Variants in KIRREL3 observed in about 807,000 individuals in gnomAD.
KIRREL3 encodes the protein kirre like nephrin family adhesion molecule 3.
A neutral mutation model predicts 89.7 loss-of-function variants in KIRREL3; 36 were observed. The ratio of observed to expected loss-of-function variants is 0.40; its 90% CI spans 0.31 to 0.53. The LOEUF (loss-of-function observed/expected upper bound fraction) is 0.53. Ranked by LOEUF, KIRREL3 falls within the 20% of genes least tolerant of loss-of-function variation. The probability of loss-of-function intolerance (pLI) is 0.49; values close to 1 mark genes in which losing one functional copy is unlikely to be tolerated. For synonymous variants in KIRREL3, 445 were observed against 441.4 expected, an observed-to-expected ratio of 1.01 and a Z score of -0.10; for missense variants, 864 against 1,056.6, an observed-to-expected ratio of 0.82 and a Z score of 2.53.
rs1945408712 is a variant in KIRREL3 at position 126,879,322 on chromosome 11, A to G, written c.55+121133T>C. On this transcript the variant is annotated intron_variant, in intron 1 of 16. Transcript: ENST00000525144. The surrounding 1 kb of genome is among the most constrained non-coding windows in gnomAD (Gnocchi z 5.4). ...ATGCCAGTTTCCAGAAAGGATTAATATACACTAACGTGGAATTACTGAACC... is the reference window on the plus strand; with the variant it reads ...ATGCCAGTTTCCAGAAAGGATTAATGTACACTAACGTGGAATTACTGAACC... 1.3e-5 allele frequency among the ~76,000 whole-genome samples: 2 copies of G among 152,208 alleles called. No homozygotes were observed. Among genetic ancestry groups the G allele is most frequent in the Admixed American group, 1.3e-4 (2 of 15,282 alleles).
intron 1 of KIRREL3, among the ~76,000 whole-genome samples, chr11:126,590,783 T>C (rs1489250516): frequency 1.3e-5 from 2 of 152,114 alleles, no homozygotes; most frequent in African/African-American, 4.8e-5. Flanking sequence ...CTAGATACCT[T>C]GGTAGCGGGA....
intron 1 of KIRREL3, chr11:126,920,047 T>A (rs1272822123): frequency 6.6e-6 from 1 of 152,222 alleles, no homozygotes; most frequent in Non-Finnish European, 1.5e-5. Flanking sequence ...TTTAACTATA[T>A]CATGTAATCT....
At chr11:126,657,277 T>TC (rs1349827798) in intron 1 of KIRREL3, among the ~76,000 whole-genome samples, 179 of 149,844 alleles carry the variant, frequency 1.2e-3, no homozygotes, top group South Asian at 1.7e-3. Context: ...AATAAATAAA[T>TC]AAATCTTCAT....
intron 1 of KIRREL3, among the ~76,000 whole-genome samples, chr11:126,581,392 G>C (rs995218306): frequency 1.3e-5 from 2 of 152,112 alleles, no homozygotes; most frequent in Non-Finnish European, 2.9e-5. Flanking sequence ...TGTAGAGACA[G>C]GGTTTCACCT....
chr11:126,512,186 G>T (rs1211149461), intron 4 of KIRREL3, among the ~76,000 whole-genome samples: 9 of 152,240 alleles, frequency 5.9e-5, no homozygotes, highest in Non-Finnish European at 1.3e-4. Flanking sequence ...GTGAGGGTCA[G>T]TACTTCAGGC....
chr11:126,875,082 C>T (rs1945233075), intron 1 of KIRREL3, among the ~76,000 whole-genome samples: 1 of 152,176 alleles, frequency 6.6e-6, no homozygotes. Context: ...TACCCCAATC[C>T]TGTGTGATTT....
intron 7 of KIRREL3, among the ~76,000 whole-genome samples, chr11:126,456,056 T>TC (rs1956332165): frequency 7.4e-6 from 1 of 135,746 alleles, no homozygotes; most frequent in Admixed American, 7.6e-5. Flanking sequence ...TTTTTTTTTT[T>TC]TCCTGAGCCT....
At chr11:126,959,034 T>A (rs982546416) in intron 1 of KIRREL3, among the ~76,000 whole-genome samples, 1 of 152,138 alleles carries the variant, frequency 6.6e-6, no homozygotes, top group Non-Finnish European at 1.5e-5. Flanking sequence ...AAAAAAAGAC[T>A]GACTTCTCTC....
chr11:126,893,166 A>G (rs1945993824), intron 1 of KIRREL3, among the ~76,000 whole-genome samples: 1 of 152,214 alleles, frequency 6.6e-6, no homozygotes, highest in South Asian at 2.1e-4. Context: ...CACATCCGTC[A>G]AACAACTCAG....
intron 1 of KIRREL3, among the ~76,000 whole-genome samples, chr11:126,930,748 A>G (rs1349686864): frequency 6.6e-6 from 1 of 152,066 alleles, no homozygotes; most frequent in Non-Finnish European, 1.5e-5. Context: ...TATCCAGTGC[A>G]GTTAGAGGGG....
chr11:126,645,033 G>T lies in KIRREL3; in HGVS notation c.56-82121C>A, dbSNP rs1185029787. ...GATGAACCTTGAGGGAGGGGTTGGGGTTGAAGTGGGAGGAGCATTTCAGTC... is the reference window on the plus strand; with the variant it reads ...GATGAACCTTGAGGGAGGGGTTGGGTTTGAAGTGGGAGGAGCATTTCAGTC... On this transcript the variant is annotated intron_variant, in intron 1 of 16. Coordinates refer to ENST00000525144, the MANE Select transcript of KIRREL3 (RefSeq NM_032531.4). The surrounding 1 kb of genome is among the most constrained non-coding windows in gnomAD (Gnocchi z 4.9). 2.0e-5 allele frequency among the ~76,000 whole-genome samples: 3 copies of T among 152,156 alleles called. No homozygotes were observed. Among genetic ancestry groups the T allele is most frequent in the South Asian group, 2.1e-4 (1 of 4,828 alleles).
chr11:126,610,246 A>G lies in KIRREL3; in HGVS notation c.56-47334T>C, dbSNP rs588107. Among the ~76,000 whole-genome samples the G allele has an allele frequency of 0.56, 84,949 of 151,790 alleles. 24,648 individuals carry two copies. Among genetic ancestry groups the G allele is most frequent in the Middle Eastern group, 0.65 (190 of 294 alleles). On this transcript the variant is annotated intron_variant, in intron 1 of 16. Coordinates refer to ENST00000525144, the MANE Select transcript of KIRREL3 (RefSeq NM_032531.4). This position sits in a 1 kb window ranked among gnomAD's most constrained non-coding sequence, Gnocchi z 4.6. ...GCTGGGATTACAGGCATGCACCACC[A>G]CGCCTGGCTAATTTTTGTATTTTTA...
chr11:126,590,975 C>CCGCTGGG (rs2134706058), intron 1 of KIRREL3, among the ~76,000 whole-genome samples: 1 of 152,344 alleles, frequency 6.6e-6, no homozygotes, highest in South Asian at 2.1e-4. Context: ...ATAATCCCAG[C>CCGCTGGG]ACTTTGGGAG....
intron 1 of KIRREL3, among the ~76,000 whole-genome samples, chr11:126,603,802 T>C (rs1591805152): frequency 6.6e-6 from 1 of 152,188 alleles, no homozygotes; most frequent in African/African-American, 2.4e-5. Context: ...GGGTTTCTGA[T>C]GGGAAGGGAT....
rs1315846982 is a variant in KIRREL3, at chr11:126,876,938, ACTAT to A, written c.55+123513_55+123516del. On this transcript the variant is annotated intron_variant, in intron 1 of 16. Coordinates refer to ENST00000525144, the MANE Select transcript of KIRREL3 (RefSeq NM_032531.4). The surrounding 1 kb of genome is among the most constrained non-coding windows in gnomAD (Gnocchi z 4.1). Reference sequence around the variant, plus strand: ...TAGATTGCAGAAACCTATAAGACAGACTATCACTGAACTCATAAAAAAAGAGTTA... The same window carrying A: ...TAGATTGCAGAAACCTATAAGACAGACACTGAACTCATAAAAAAAGAGTTA... Among the ~76,000 whole-genome samples, 1 of 152,198 alleles carries A rather than the reference ACTAT, an allele frequency of 6.6e-6. No individual in the cohort carries two copies. Among genetic ancestry groups the A allele is most frequent in the African/African-American group, 2.4e-5 (1 of 41,450 alleles).
chr11:126,536,623 C>T (rs12271154), intron 2 of KIRREL3, among the ~76,000 whole-genome samples: 1,759 of 148,002 alleles, frequency 0.012, 37 homozygotes, highest in African/African-American at 0.042. Context: ...TGAGTATCCC[C>T]TCATGGCCCT....
At position 126,624,714 on chromosome 11, in the gene KIRREL3, T is replaced by C. The variant is rs1267213549; in HGVS notation, c.56-61802A>G. Among the ~76,000 whole-genome samples, 2 of 152,210 alleles carry C rather than the reference T, an allele frequency of 1.3e-5. No individual in the cohort carries two copies. The highest frequency in any genetic ancestry group is 6.5e-5 in the Admixed American group (1 of 15,286). On this transcript the variant is annotated intron_variant, in intron 1 of 16. Coordinates refer to ENST00000525144, the MANE Select transcript of KIRREL3 (RefSeq NM_032531.4). The surrounding 1 kb of genome is among the most constrained non-coding windows in gnomAD (Gnocchi z 6.0). ...AGACAAATATTGTGGCTGTGATTTT[T>C]CAAAGGGCTGAGTAATTCCCGAGCA...
chr11:126,638,624 A>G (rs1591855278), intron 1 of KIRREL3, among the ~76,000 whole-genome samples: 1 of 152,186 alleles, frequency 6.6e-6, no homozygotes, highest in African/African-American at 2.4e-5. Context: ...TAGTCCGTGG[A>G]TAATTCTCCC....
rs531642229 is a variant in KIRREL3 at position 126,657,492 on chromosome 11, G to A, written c.56-94580C>T. On this transcript the variant is annotated intron_variant, in intron 1 of 16. Transcript: ENST00000525144. The stretch of plus-strand genomic sequence containing the variant: ...GGCACAGGTCTGAGAGGTGAGTGCT[G>A]GAGGAACCAAGGCCAGAGTGGGACA... 2.0e-5 allele frequency among the ~76,000 whole-genome samples: 3 copies of A among 152,332 alleles called. No individual in the cohort carries two copies. The South Asian group carries it at 6.2e-4, about 32-fold the overall frequency.
Sources: gnomAD v4.1 joint callset for allele counts (sites outside exome capture counted in the v4.1 genomes callset) on GRCh38, gnomAD v4.1.1 for gene constraint, Gnocchi (gnomAD v3.1) non-coding constraint, MANE v1.5 for transcripts, NCBI Gene and HGNC (gene_info 2026-07-23, HGNC 2026-07-21) for gene names.